The following CDH4 variants were observed in gnomAD, a reference collection of about 807,000 sequenced individuals.
CDH4 encodes cadherin-4.
Under a neutral mutation model 86.0 loss-of-function variants are expected in CDH4, and 33 were observed. The ratio of observed to expected loss-of-function variants is 0.38; its 90% CI spans 0.29 to 0.51. The LOEUF is 0.51. Ranked by LOEUF, CDH4 falls within the 20% of genes least tolerant of loss-of-function variation. The probability of loss-of-function intolerance (pLI) is 0.86; values close to 1 mark genes in which losing one functional copy is unlikely to be tolerated. For missense variants in CDH4, 1,114 were observed against 1,307.4 expected (o/e 0.85, Z 2.28); for synonymous variants, 555 against 549.4 (o/e 1.01, Z -0.14).
At chr20:61,884,657 G>A (rs992635697) in intron 7 of CDH4, among the ~76,000 whole-genome samples, 1 of 152,178 alleles carries the variant, frequency 6.6e-6, no homozygotes, top group Non-Finnish European at 1.5e-5. Context: ...CCCCGGACCT[G>A]CATTTGAAGG....
intron 2 of CDH4, among the ~76,000 whole-genome samples, chr20:61,383,407 T>TATATC: frequency 9.8e-6 from 1 of 102,484 alleles, no homozygotes; most frequent in Non-Finnish European, 1.8e-5. Context: ...TATATATGAA[T>TATATC]ATATATGATA....
chr20:61,396,445 G>A (rs1029477838), intron 2 of CDH4, among the ~76,000 whole-genome samples: 8 of 152,190 alleles, frequency 5.3e-5, no homozygotes, highest in African/African-American at 9.6e-5. Context: ...TGCTGGCAGC[G>A]TCCGGTGTTT....
At position 61,933,059 on chromosome 20, in the gene CDH4, C is replaced by A; in HGVS notation, c.2314C>A (p.Pro772Thr). The A allele has an allele frequency of 2.5e-6, 4 of 1,613,286 alleles. No individual in the cohort carries two copies. The highest frequency in any genetic ancestry group is 3.4e-6 in the Non-Finnish European group (4 of 1,180,026). Residue 772 changes from proline (P) to threonine (T), a missense_variant, in exon 14 of 16, where the codon CCC (proline) becomes ACC (threonine). Physicochemically the swap from Pro to Thr is conservative, Grantham distance 38 (BLOSUM62 -1). This residue lies in a region of CDH4 where 705 missense variants were observed against 914.1 expected (regional missense o/e 0.77). Transcript: ENST00000614565. ...CCACACGAAGCAGCTGCTCATTGAC[C>A]CCGAGGACGACGTCCGCGACAACAT... The part of the protein sequence containing the change: ...ERHTKQLLID[P>T]EDDVRDNILK...
At chr20:61,724,285 C>T (rs1027340103) in intron 2 of CDH4, among the ~76,000 whole-genome samples, 1 of 152,170 alleles carries the variant, frequency 6.6e-6, no homozygotes, top group Admixed American at 6.5e-5. Flanking sequence ...AGGCACTTAC[C>T]GTGCCAGCAG....
chr20:61,521,458 G>A (rs1195381330), intron 2 of CDH4, among the ~76,000 whole-genome samples: 1 of 152,190 alleles, frequency 6.6e-6, no homozygotes, highest in Non-Finnish European at 1.5e-5. Flanking sequence ...TTTACAAGTT[G>A]AGCTCCAGCT....
At chr20:61,301,432 G>A (rs74528920) in intron 2 of CDH4, among the ~76,000 whole-genome samples, 2,648 of 152,310 alleles carry the variant, frequency 0.017, 74 homozygotes, top group African/African-American at 0.058. Flanking sequence ...TGGCCTGGGC[G>A]TGTGCATTTT....
chr20:61,352,542 G>A lies in CDH4; in HGVS notation c.169+97605G>A, dbSNP rs944527002. Among the ~76,000 whole-genome samples the A allele has an allele frequency of 2.6e-5, 4 of 152,334 alleles. No individual in the cohort carries two copies. The East Asian group carries it at 5.8e-4, about 22-fold the overall frequency. On this transcript the variant is annotated intron_variant, in intron 2 of 15. Coordinates refer to ENST00000614565, the MANE Select transcript of CDH4 (RefSeq NM_001794.5). ...GCCTGTGGGGCAGCCTCTCCGGTGC[G>A]CGGGACGTCCAGCCCTTTTCGTTTC...
At position 61,829,838 on chromosome 20, in the gene CDH4, CA is replaced by C. The variant is rs1981510022; in HGVS notation, c.577-14829del. Among the ~76,000 whole-genome samples, 1 of 152,066 alleles carries C rather than the reference CA, an allele frequency of 6.6e-6. No homozygotes were observed. Among genetic ancestry groups the C allele is most frequent in the African/African-American group, 2.4e-5 (1 of 41,396 alleles). On this transcript the variant is annotated intron_variant, in intron 4 of 15. Transcript: ENST00000614565. The surrounding 1 kb of genome is among the most constrained non-coding windows in gnomAD (Gnocchi z 4.2). ...CCTCCAGACCCCAGTCCCCTTGGAC[CA>C]GGGGCAAAGCTCATTTCCCTCATCC...
chr20:61,731,294 G>A (rs151293245), intron 2 of CDH4, among the ~76,000 whole-genome samples: 5 of 152,164 alleles, frequency 3.3e-5, no homozygotes, highest in Admixed American at 6.5e-5. Flanking sequence ...GCCCCCCGGC[G>A]GCCCCTCACA....
intron 4 of CDH4, among the ~76,000 whole-genome samples, chr20:61,806,458 G>A (rs1980133874): frequency 6.6e-6 from 1 of 152,252 alleles, no homozygotes. Flanking sequence ...CACACCCAGG[G>A]TGAGGAGGTG....
intron 4 of CDH4, among the ~76,000 whole-genome samples, chr20:61,834,582 A>G (rs1319479256): frequency 2.0e-5 from 3 of 152,216 alleles, no homozygotes; most frequent in South Asian, 2.1e-4. Flanking sequence ...TTAAATATCA[A>G]TGAAGGTTTT....
Position 61,583,420 on chromosome 20 carries a change from A to G in CDH4, c.170-160143A>G, listed in dbSNP as rs375085360. On this transcript the variant is annotated intron_variant, in intron 2 of 15. Transcript: ENST00000614565. ...CCCTGTGCAGAGAGCAGTGAGGAGC[A>G]TCAGATGTTTGAGGGGAGACGGGGG... 5.3e-5 allele frequency among the ~76,000 whole-genome samples: 8 copies of G among 152,108 alleles called. No individual in the cohort carries two copies. The East Asian group carries it at 1.4e-3, about 26-fold the overall frequency.
At chr20:61,466,903 C>T (rs373180462) in intron 2 of CDH4, among the ~76,000 whole-genome samples, 3 of 8,694 alleles carry the variant, frequency 3.5e-4, no homozygotes, top group Non-Finnish European at 4.5e-4. Flanking sequence ...AGACTGAGGG[C>T]GGGGGTGGGG....
intron 2 of CDH4, among the ~76,000 whole-genome samples, chr20:61,304,122 T>C (rs2084401040): frequency 6.6e-6 from 1 of 152,184 alleles, no homozygotes; most frequent in African/African-American, 2.4e-5. Flanking sequence ...CAGGCATTCC[T>C]TTCCTCAGCT....
In CDH4 at chr20:61,734,642, G is replaced by C. The variant is rs991749258; in HGVS notation, c.170-8921G>C. Among the ~76,000 whole-genome samples the C allele has an allele frequency of 1.3e-5, 2 of 152,236 alleles. 1 individual carries two copies. The highest frequency in any genetic ancestry group is 1.3e-4 in the Admixed American group (2 of 15,292). On this transcript the variant is annotated intron_variant, in intron 2 of 15. Transcript: ENST00000614565. Reference sequence around the variant, plus strand: ...CCTAAAAGGTAGTTTTCCTTCAGCAGGTTGAGTTTCCCTATCACCCAAACA... The same window carrying C: ...CCTAAAAGGTAGTTTTCCTTCAGCACGTTGAGTTTCCCTATCACCCAAACA...
intron 6 of CDH4, among the ~76,000 whole-genome samples, chr20:61,869,981 G>T (rs1983727523): frequency 1.3e-5 from 2 of 152,234 alleles, no homozygotes; most frequent in South Asian, 4.1e-4. Context: ...CTCTGTGGTG[G>T]GAGGCTCCCA....
At chr20:61,341,376 G>A (rs2084648303) in intron 2 of CDH4, among the ~76,000 whole-genome samples, 1 of 152,156 alleles carries the variant, frequency 6.6e-6, no homozygotes, top group Non-Finnish European at 1.5e-5. Context: ...ACTCAGGAGA[G>A]AAATAAATGA....
intron 8 of CDH4, among the ~76,000 whole-genome samples, chr20:61,908,733 G>GA (rs2054819171): frequency 6.6e-6 from 1 of 152,208 alleles, no homozygotes; most frequent in African/African-American, 2.4e-5. Context: ...GGCACTCCGG[G>GA]AAGACTCTTT....
At chr20:61,254,434 GCAGAGC>G (rs1019587091) in intron 1 of CDH4, among the ~76,000 whole-genome samples, 83 of 152,372 alleles carry the variant, frequency 5.4e-4, no homozygotes, top group African/African-American at 2.0e-3. Flanking sequence ...AATGGTCTGA[GCAGAGC>G]CGCCCACACT....
Sources: gnomAD v4.1 joint callset for allele counts (sites outside exome capture counted in the v4.1 genomes callset) on GRCh38, gnomAD v4.1.1 for gene constraint, gnomAD v4.1.1 regional missense constraint, Gnocchi (gnomAD v3.1) non-coding constraint, MANE v1.5 for transcripts, NCBI Gene and HGNC (gene_info 2026-07-23, HGNC 2026-07-21) for gene names.